DNAH6: variants seen among roughly 807,000 people sequenced by gnomAD.
DNAH6 encodes dynein axonemal heavy chain 6.
Under a neutral mutation model 491.4 loss-of-function variants are expected in DNAH6, and 340 were observed. The ratio of observed to expected loss-of-function variants is 0.69; its 90% CI spans 0.63 to 0.76. The LOEUF is 0.76. Ranked by LOEUF, DNAH6 falls within the 30% of genes least tolerant of loss-of-function variation. DNAH6 has a pLI of 0.00. For synonymous variants in DNAH6, 1,603 were observed against 1,686.1 expected (o/e 0.95, Z 1.21); for missense variants, 4,443 against 4,972.2 (o/e 0.89, Z 3.20).
At chr2:84,667,290 C>T (rs1488735026) in intron 37 of DNAH6, among the ~76,000 whole-genome samples, 1 of 152,110 alleles carries the variant, frequency 6.6e-6, no homozygotes, top group Non-Finnish European at 1.5e-5. Flanking sequence ...GCAAAAGAAA[C>T]TACCATCAGT....
intron 22 of DNAH6, among the ~76,000 whole-genome samples, chr2:84,614,371 G>A (rs527839488): frequency 2.0e-5 from 3 of 152,036 alleles, no homozygotes; most frequent in South Asian, 2.1e-4. Flanking sequence ...ATTTCATTCC[G>A]TTTTATGGCT....
intron 45 of DNAH6, among the ~76,000 whole-genome samples, chr2:84,693,735 CAAA>C (rs33923012): frequency 2.2e-5 from 3 of 133,770 alleles, no homozygotes; most frequent in Non-Finnish European, 1.6e-5. Flanking sequence ...GACTCTATCT[CAAA>C]AAAAAAAAAA....
chr2:84,467,735 G>A, the DNAH6 span, among the ~76,000 whole-genome samples: 1 of 151,990 alleles, frequency 6.6e-6, no homozygotes, highest in Non-Finnish European at 1.5e-5. Context: ...TTTACTTTAG[G>A]ACAAGAATTT....
At chr2:84,649,452 C>G (rs183980594) in intron 33 of DNAH6, among the ~76,000 whole-genome samples, 165 of 152,300 alleles carry the variant, frequency 1.1e-3, no homozygotes, top group African/African-American at 3.9e-3. Context: ...TTTAGCCATT[C>G]TTCATGGTAG....
In DNAH6 at chr2:84,698,469, A is replaced by G. The variant is rs1004711587; in HGVS notation, c.7677+742A>G. 7.9e-5 allele frequency among the ~76,000 whole-genome samples: 12 copies of G among 152,364 alleles called. No homozygotes were observed. The South Asian group carries it at 1.4e-3, about 18-fold the overall frequency. ...ATGTACACTGTAGAAGTCAATGGTC[A>G]AGGAGGTAGCTGCCTCTGCCACAAC... On this transcript the variant is annotated intron_variant, in intron 47 of 76. Transcript: ENST00000389394.
intron 9 of DNAH6, among the ~76,000 whole-genome samples, chr2:84,552,183 T>C (rs1679455471): frequency 6.6e-6 from 1 of 152,174 alleles, no homozygotes; most frequent in South Asian, 2.1e-4. Flanking sequence ...ATTCTTCTAA[T>C]TATGACCCCA....
At chr2:84,699,770 G>A in intron 48 of DNAH6, 36 bp downstream of exon 48, 1 of 1,542,960 alleles carries the variant, frequency 6.5e-7, no homozygotes, top group Non-Finnish European at 8.8e-7. Flanking sequence ...TTGAGAAGTT[G>A]GACTTGCTTG....
intron 59 of DNAH6, 121 bp from the exon 60 acceptor site, chr2:84,722,501 CTTA>C: frequency 1.3e-6 from 1 of 793,730 alleles, no homozygotes; most frequent in Non-Finnish European, 1.9e-6. Context: ...CTGGGGACCC[CTTA>C]TTATAATCAC....
intron 59 of DNAH6, among the ~76,000 whole-genome samples, chr2:84,720,445 A>C (rs951013398): frequency 2.7e-5 from 4 of 146,852 alleles, no homozygotes; most frequent in African/African-American, 7.4e-5. Flanking sequence ...CGCCCGGCTA[A>C]TTTTTTGTAT....
the DNAH6 span, among the ~76,000 whole-genome samples, chr2:84,490,150 A>G: frequency 3.3e-5 from 5 of 152,230 alleles, no homozygotes; most frequent in South Asian, 4.2e-4. Flanking sequence ...TATCTACCAC[A>G]TATTGTTTTC....
At chr2:84,648,790 C>T (rs567118933) in intron 33 of DNAH6, among the ~76,000 whole-genome samples, 1 of 152,270 alleles carries the variant, frequency 6.6e-6, no homozygotes, top group South Asian at 2.1e-4. Context: ...AAAATGACAA[C>T]AAAAGACTCT....
chr2:84,769,871 T>A (rs772437476), intron 64 of DNAH6, among the ~76,000 whole-genome samples: 4 of 152,168 alleles, frequency 2.6e-5, no homozygotes, highest in Non-Finnish European at 5.9e-5. Context: ...CTACATATTT[T>A]TGGGAATCCA....
intron 22 of DNAH6, among the ~76,000 whole-genome samples, chr2:84,612,456 A>G (rs2104346655): frequency 6.6e-6 from 1 of 152,246 alleles, no homozygotes; most frequent in South Asian, 2.1e-4. Flanking sequence ...TTGTTCAGGA[A>G]ACAGCAGCAC....
intron 30 of DNAH6, among the ~76,000 whole-genome samples, chr2:84,635,917 G>GC (rs1688838741): frequency 6.6e-6 from 1 of 152,094 alleles, no homozygotes; most frequent in Admixed American, 6.6e-5. Context: ...TCTGTTGATA[G>GC]CATCTTCATC....
At chr2:84,787,420 A>AT (rs1677312134) in intron 68 of DNAH6, 118 bp downstream of exon 68, 2 of 721,614 alleles carry the variant, frequency 2.8e-6, no homozygotes, top group Non-Finnish European at 4.4e-6. Context: ...GGTGATGATG[A>AT]TATTTTATGT....
chr2:84,645,479 G>A (rs1277241886), intron 33 of DNAH6, among the ~76,000 whole-genome samples: 1 of 152,218 alleles, frequency 6.6e-6, no homozygotes, highest in Admixed American at 6.5e-5. Flanking sequence ...TCACATTGTG[G>A]TTTTGATTTG....
intron 31 of DNAH6, among the ~76,000 whole-genome samples, chr2:84,640,013 G>A (rs778552778): frequency 9.2e-5 from 14 of 152,284 alleles, no homozygotes; most frequent in Admixed American, 1.3e-4. Flanking sequence ...TTGACTCCTC[G>A]GGAAACTAAG....
At chr2:84,513,935 C>T (rs1424392833), upstream of DNAH6, among the ~76,000 whole-genome samples, 1 of 152,082 alleles carries the variant, frequency 6.6e-6, no homozygotes, top group East Asian at 1.9e-4. Flanking sequence ...TTGTCACTGC[C>T]AGTTTTTTCC....
At chr2:84,481,403 A>G in the DNAH6 span, among the ~76,000 whole-genome samples, 10 of 152,240 alleles carry the variant, frequency 6.6e-5, no homozygotes, top group Non-Finnish European at 1.5e-5. Flanking sequence ...GTACTTTGAA[A>G]AACAAATGAA....
Sources: allele counts gnomAD v4.1 joint callset (sites outside exome capture counted in the v4.1 genomes callset), GRCh38; gene constraint gnomAD v4.1.1; transcripts MANE v1.5; gene names NCBI Gene and HGNC (gene_info 2026-07-23, HGNC 2026-07-21).